PTPRD: variants seen among roughly 807,000 people sequenced by gnomAD.
PTPRD encodes the protein receptor-type tyrosine-protein phosphatase delta.
A neutral mutation model predicts 214.5 loss-of-function variants in PTPRD; 34 were observed. The ratio of observed to expected loss-of-function variants is 0.16; its 90% CI spans 0.12 to 0.21. The LOEUF is 0.21. Ranked by LOEUF, PTPRD falls within the 10% of genes least tolerant of loss-of-function variation. The probability of loss-of-function intolerance (pLI) is 1.00; values close to 1 mark genes in which losing one functional copy is unlikely to be tolerated. For missense variants in PTPRD, 2,545 were observed against 2,398.7 expected (o/e 1.06, Z -1.27); for synonymous variants, 1,128 against 845.7 (o/e 1.33, Z -5.79).
chr9:9,633,622 T>G (rs1423889400), intron 7 of PTPRD, among the ~76,000 whole-genome samples: 1 of 152,178 alleles, frequency 6.6e-6, no homozygotes, highest in Non-Finnish European at 1.5e-5. Context: ...CTCAGTCTGG[T>G]TAATCTTATT....
intron 39 of PTPRD, among the ~76,000 whole-genome samples, chr9:8,354,179 C>G (rs1051845187): frequency 1.4e-4 from 21 of 151,718 alleles, no homozygotes; most frequent in Non-Finnish European, 2.9e-5. Flanking sequence ...ACTCCTTATT[C>G]TTTTTTTCAC....
chr9:9,087,876 C>CTTTTT (rs1569536508), intron 10 of PTPRD, among the ~76,000 whole-genome samples: 2 of 89,686 alleles, frequency 2.2e-5, no homozygotes, highest in African/African-American at 4.0e-5. Flanking sequence ...GAGCCCTAAA[C>CTTTTT]TCTTTTTTTT....
intron 8 of PTPRD, among the ~76,000 whole-genome samples, chr9:9,533,274 A>C (rs2075870600): frequency 6.6e-6 from 1 of 152,096 alleles, no homozygotes; most frequent in Non-Finnish European, 1.5e-5. Flanking sequence ...CAATGTATAG[A>C]TTTCTTAATG....
intron 33 of PTPRD, among the ~76,000 whole-genome samples, chr9:8,457,547 T>C (rs987392232): frequency 1.3e-5 from 2 of 151,842 alleles, no homozygotes; most frequent in Non-Finnish European, 2.9e-5. Flanking sequence ...GATCAAAGAG[T>C]ATGCCATTTC....
intron 2 of PTPRD, among the ~76,000 whole-genome samples, chr9:10,503,205 A>C (rs1253541066): frequency 2.2e-5 from 3 of 134,786 alleles, no homozygotes; most frequent in African/African-American, 3.2e-5. Context: ...AAAAAAAAAA[A>C]AACAAAAAAA....
intron 2 of PTPRD, among the ~76,000 whole-genome samples, chr9:10,462,508 C>G (rs2098966150): frequency 6.6e-6 from 1 of 152,120 alleles, no homozygotes; most frequent in African/African-American, 2.4e-5. Context: ...AGCCTGTGCT[C>G]TTTAGAGCAT....
chr9:8,504,165 G>A (rs1165546695), intron 23 of PTPRD, 96 bp downstream of exon 23: 2 of 1,223,734 alleles, frequency 1.6e-6, no homozygotes, highest in African/African-American at 3.0e-5. Context: ...TAACTATTAA[G>A]CATATTAGCA....
intron 10 of PTPRD, among the ~76,000 whole-genome samples, chr9:9,120,425 C>T (rs1012367501): frequency 6.6e-6 from 1 of 152,182 alleles, no homozygotes; most frequent in Non-Finnish European, 1.5e-5. Context: ...AGGCAATCTG[C>T]CTCATTACCA....
chr9:10,088,339 T>C (rs1325279832), intron 3 of PTPRD, among the ~76,000 whole-genome samples: 1 of 151,780 alleles, frequency 6.6e-6, no homozygotes, highest in Non-Finnish European at 1.5e-5. Context: ...GAACTGAATA[T>C]GCCTCTATTA....
At chr9:8,974,454 T>C (rs1361700380) in intron 11 of PTPRD, among the ~76,000 whole-genome samples, 1 of 152,092 alleles carries the variant, frequency 6.6e-6, no homozygotes. Flanking sequence ...ACATGCAGCT[T>C]TGTTACATAG....
intron 11 of PTPRD, among the ~76,000 whole-genome samples, chr9:8,979,639 C>G (rs1277918458): frequency 6.6e-6 from 1 of 152,072 alleles, no homozygotes; most frequent in African/African-American, 2.4e-5. Context: ...TGAAAAGTTG[C>G]TCAACATCAC....
chr9:9,296,262 A>T (rs967867376), intron 9 of PTPRD, among the ~76,000 whole-genome samples: 9 of 151,760 alleles, frequency 5.9e-5, no homozygotes, highest in African/African-American at 2.2e-4. Context: ...TTGACTTTAT[A>T]TCTCCTTGGG....
At chr9:9,357,535 T>C (rs1214990519) in intron 9 of PTPRD, among the ~76,000 whole-genome samples, 1 of 151,162 alleles carries the variant, frequency 6.6e-6, no homozygotes, top group Non-Finnish European at 1.5e-5. Flanking sequence ...CTTTGCAGCT[T>C]TCAGAAGACC....
At chr9:9,349,883 T>C (rs1400377986) in intron 9 of PTPRD, among the ~76,000 whole-genome samples, 1 of 152,034 alleles carries the variant, frequency 6.6e-6, no homozygotes, top group Non-Finnish European at 1.5e-5. Context: ...TAAAAAGCCA[T>C]TTCATGATCA....
intron 9 of PTPRD, among the ~76,000 whole-genome samples, chr9:9,216,991 G>A (rs2099952699): frequency 6.6e-6 from 1 of 151,966 alleles, no homozygotes; most frequent in African/African-American, 2.4e-5. Context: ...GGATTTTAAA[G>A]AGTAGAGGGC....
chr9:9,878,766 A>G (rs1314743163), intron 5 of PTPRD, among the ~76,000 whole-genome samples: 3 of 152,202 alleles, frequency 2.0e-5, no homozygotes, highest in Non-Finnish European at 4.4e-5. Flanking sequence ...ACTTTCCTCT[A>G]TCTACATTCT....
chr9:8,331,945 CT>C (rs755356651), intron 43 of PTPRD, among the ~76,000 whole-genome samples: 7 of 37,594 alleles, frequency 1.9e-4, no homozygotes, highest in Middle Eastern at 0.037. Flanking sequence ...AATTTATTTA[CT>C]CTTGAAATCC....
intron 30 of PTPRD, among the ~76,000 whole-genome samples, chr9:8,482,178 T>A (rs116931411): frequency 2.6e-5 from 4 of 152,330 alleles, no homozygotes; most frequent in Non-Finnish European, 5.9e-5. Context: ...CATTTACTTC[T>A]GAATTTTTTT....
chr9:9,638,844 T>C (rs2095851205), intron 7 of PTPRD, among the ~76,000 whole-genome samples: 1 of 152,146 alleles, frequency 6.6e-6, no homozygotes, highest in Admixed American at 6.6e-5. Flanking sequence ...TGGTCCTGGC[T>C]TCCGAGATGT....
Sources: allele counts gnomAD v4.1 joint callset (sites outside exome capture counted in the v4.1 genomes callset), GRCh38; gene constraint gnomAD v4.1.1; transcripts MANE v1.5; gene names NCBI Gene and HGNC (gene_info 2026-07-23, HGNC 2026-07-21).